The following LEKR1 variants were observed in gnomAD, a reference collection of about 807,000 sequenced individuals.
The protein encoded by LEKR1 is protein LEKR1.
In LEKR1, 59 loss-of-function variants were observed where a neutral mutation model predicts 72.4. That is an observed-to-expected ratio of 0.82 (90% CI 0.66 to 1.01). The LOEUF (loss-of-function observed/expected upper bound fraction) is 1.01, where lower values mean the gene tolerates loss of function less well. Among genes scored for constraint, LEKR1 ranks in the 50% least tolerant of loss-of-function variants. The pLI is 0.00. For missense variants in LEKR1, 728 were observed against 759.2 expected (o/e 0.96, Z 0.48); for synonymous variants, 257 against 263.2 (o/e 0.98, Z 0.23).
Position 156,878,981 on chromosome 3 carries a change from T to A in LEKR1, c.263+25999T>A, listed in dbSNP as rs112598397. Reference sequence around the variant, plus strand: ...AACAGTCCATTAAACCTCTTTTTTTTATATAAATTATACAGTCTCGGGTAT... The same window carrying A: ...AACAGTCCATTAAACCTCTTTTTTTAATATAAATTATACAGTCTCGGGTAT... On this transcript the variant is annotated intron_variant, in intron 3 of 12. Coordinates refer to ENST00000356539, the MANE Select transcript of LEKR1 (RefSeq NM_001004316.3). Among the ~76,000 whole-genome samples the A allele has an allele frequency of 1.9e-3, 287 of 152,288 alleles. 4 individuals carry two copies. The highest frequency in any genetic ancestry group is 6.5e-3 in the African/African-American group (270 of 41,556).
chr3:156,841,090 A>T (rs1713844777), intron 2 of LEKR1, among the ~76,000 whole-genome samples: 1 of 152,212 alleles, frequency 6.6e-6, no homozygotes, highest in African/African-American at 2.4e-5. Context: ...AGTGCCATGT[A>T]AGATAGTATC....
chr3:156,990,939 T>C (rs954444615), intron 7 of LEKR1, among the ~76,000 whole-genome samples: 10 of 152,180 alleles, frequency 6.6e-5, no homozygotes, highest in African/African-American at 2.4e-4. Flanking sequence ...TTGATTGTAG[T>C]GATGGCTTCA....
chr3:156,889,571 A>G (rs1308933070), intron 3 of LEKR1, among the ~76,000 whole-genome samples: 1 of 152,190 alleles, frequency 6.6e-6, no homozygotes, highest in African/African-American at 2.4e-5. Flanking sequence ...AAATGTTTGT[A>G]AGAATTACCA....
chr3:157,018,014 C>T (rs1190506001), intron 10 of LEKR1, among the ~76,000 whole-genome samples: 3 of 148,816 alleles, frequency 2.0e-5, no homozygotes, highest in African/African-American at 7.5e-5. Context: ...AAGTAGATTT[C>T]ACAGCAAAGA....
At chr3:156,841,217 A>C (rs1161196849) in intron 2 of LEKR1, among the ~76,000 whole-genome samples, 1 of 152,238 alleles carries the variant, frequency 6.6e-6, no homozygotes, top group East Asian at 1.9e-4. Flanking sequence ...GTATTTCCAC[A>C]GGCAGCGGGT....
At chr3:156,898,127 T>C (rs1312166675) in intron 3 of LEKR1, among the ~76,000 whole-genome samples, 1 of 152,172 alleles carries the variant, frequency 6.6e-6, no homozygotes, top group Non-Finnish European at 1.5e-5. Context: ...TCTAGCTATG[T>C]TAATAGGGAT....
At position 157,006,374 on chromosome 3, in the gene LEKR1, A is replaced by C. The variant is rs73170807; in HGVS notation, c.1110-5039A>C. ...GTATGAAGTGTTTACAAAGATATGG[A>C]GGAACTTGAACTCTTATAATCTACT... On this transcript the variant is annotated intron_variant, in intron 9 of 12. Transcript: ENST00000356539. 8.0e-3 allele frequency among the ~76,000 whole-genome samples: 1,225 copies of C among 152,348 alleles called. 6 individuals carry two copies. The highest frequency in any genetic ancestry group is 0.013 in the Non-Finnish European group (910 of 68,034).
intron 3 of LEKR1, among the ~76,000 whole-genome samples, chr3:156,869,762 T>C (rs184097135): frequency 0.16 from 23,717 of 151,902 alleles, 2,085 homozygotes; most frequent in South Asian, 0.25. Context: ...TTTGAGGTCT[T>C]AGCTATAAAG....
At chr3:156,976,203 A>G (rs1729674518) in intron 6 of LEKR1, among the ~76,000 whole-genome samples, 1 of 152,164 alleles carries the variant, frequency 6.6e-6, no homozygotes, top group African/African-American at 2.4e-5. Flanking sequence ...ATTAGCTGCC[A>G]TTTTTACTGT....
chr3:157,028,269 A>C lies in LEKR1; in HGVS notation c.1535A>C (p.Lys512Thr), dbSNP rs760521057. ...NLVAEFESRL[K>T]KEIDSNDSVS... ...GTTGCAGAATTTGAATCTCGCTTGA[A>C]GAAGGAAATTGACAGTAATGATTCA... The change falls in exon 12 of 13, where the codon AAG (lysine) becomes ACG (threonine). Residue 512 changes from lysine (K) to threonine (T), a missense_variant. Transcript: ENST00000356539. The C allele has an allele frequency of 4.3e-6, 7 of 1,613,690 alleles. No individual in the cohort carries two copies. In the East Asian group the frequency reaches 1.6e-4, roughly 36 times the overall value.
intron 12 of LEKR1, among the ~76,000 whole-genome samples, chr3:157,038,805 G>A (rs1425023250): frequency 1.3e-5 from 2 of 152,168 alleles, no homozygotes; most frequent in Non-Finnish European, 2.9e-5. Context: ...CATAGATGTA[G>A]GGCAGCCTCC....
intron 12 of LEKR1, 116 bp downstream of exon 12, chr3:157,028,518 T>C: frequency 1.2e-6 from 1 of 857,742 alleles, no homozygotes; most frequent in South Asian, 1.9e-5. Context: ...GGAATGTTAG[T>C]CTGACCTAAA....
At chr3:156,855,570 C>T (rs74975467) in intron 3 of LEKR1, among the ~76,000 whole-genome samples, 6,198 of 152,080 alleles carry the variant, frequency 0.041, 147 homozygotes, top group Admixed American at 0.059. Flanking sequence ...CTTGTCCTTT[C>T]ACTTCATTGT....
chr3:157,022,019 T>C (rs10936051), intron 10 of LEKR1, among the ~76,000 whole-genome samples: 13,506 of 152,200 alleles, frequency 0.089, 655 homozygotes, highest in African/African-American at 0.11. Context: ...AGCACAGTGA[T>C]CAAATGAGAA....
Position 156,982,961 on chromosome 3 carries a change from C to T in LEKR1, c.827+3686C>T, listed in dbSNP as rs146709329. 2.9e-3 allele frequency among the ~76,000 whole-genome samples: 439 copies of T among 152,056 alleles called. 4 individuals carry two copies. The highest frequency in any genetic ancestry group is 0.01 in the African/African-American group (418 of 41,480). ...GAAAGGTCTCCAGCACCTGAAGCCA[C>T]TTAAGTGGCTCTATCCTTCCTAATT... is the stretch of plus-strand genomic sequence containing the variant. On this transcript the variant is annotated intron_variant, in intron 7 of 12. Coordinates refer to ENST00000356539, the MANE Select transcript of LEKR1 (RefSeq NM_001004316.3).
chr3:156,891,626 G>A (rs1720676959), intron 3 of LEKR1, among the ~76,000 whole-genome samples: 1 of 152,144 alleles, frequency 6.6e-6, no homozygotes, highest in African/African-American at 2.4e-5. Flanking sequence ...TCAGTTTCTT[G>A]TGACAGGTAC....
At chr3:157,025,433 T>C (rs908488852) in intron 11 of LEKR1, among the ~76,000 whole-genome samples, 5 of 152,302 alleles carry the variant, frequency 3.3e-5, no homozygotes, top group African/African-American at 9.6e-5. Flanking sequence ...CCTGTTTTTA[T>C]AGGACTTGAG....
chr3:156,995,187 T>C (rs1236768287), intron 9 of LEKR1, among the ~76,000 whole-genome samples: 4 of 152,246 alleles, frequency 2.6e-5, no homozygotes, highest in Non-Finnish European at 5.9e-5. Context: ...AGGGGAGTTT[T>C]ATGAATGCTT....
chr3:156,954,186 C>T (rs1727418507), intron 6 of LEKR1, among the ~76,000 whole-genome samples: 1 of 151,952 alleles, frequency 6.6e-6, no homozygotes, highest in South Asian at 2.1e-4. Context: ...TGTTCATGTT[C>T]TTTGCCTACT....
Sources: allele counts gnomAD v4.1 joint callset (sites outside exome capture counted in the v4.1 genomes callset), GRCh38; gene constraint gnomAD v4.1.1; transcripts MANE v1.5; gene names NCBI Gene and HGNC (gene_info 2026-07-23, HGNC 2026-07-21).